EGFR: variants seen among roughly 807,000 people sequenced by gnomAD.
The protein encoded by EGFR is avian erythroblastic leukemia viral (v-erb-b) oncogene homolog.
EGFR carries 58 observed loss-of-function variants against 143.0 expected under a neutral mutation model. The observed-to-expected ratio is 0.41, with a 90% CI of 0.33 to 0.50. The LOEUF (loss-of-function observed/expected upper bound fraction) is 0.50, where lower values mean the gene tolerates loss of function less well. EGFR is among the 20% of genes least tolerant of loss of function. The pLI, the probability that EGFR is intolerant of heterozygous loss-of-function variation, is 0.39. For missense variants in EGFR, 1,307 were observed against 1,579.0 expected (o/e 0.83, Z 2.92); for synonymous variants, 613 against 594.4 (o/e 1.03, Z -0.45).
chr7:55,176,939 C>T (rs184010929), intron 19 of EGFR, among the ~76,000 whole-genome samples: 2 of 144,318 alleles, frequency 1.4e-5, no homozygotes, highest in Admixed American at 1.4e-4. Context: ...ATATATATCT[C>T]TCTCTAAATA....
At chr7:55,019,985 T>C (rs1022099458) in intron 1 of EGFR, among the ~76,000 whole-genome samples, 23 of 152,128 alleles carry the variant, frequency 1.5e-4, no homozygotes, top group African/African-American at 4.3e-4. Flanking sequence ...CCCCGGCCCC[T>C]CTCCAGGTCC....
At chr7:55,103,061 A>G (rs555392586) in intron 1 of EGFR, among the ~76,000 whole-genome samples, 112 of 152,364 alleles carry the variant, frequency 7.4e-4, no homozygotes, top group Non-Finnish European at 1.1e-3. Context: ...GGAGAAAGAT[A>G]TAAGAATAGA....
intron 22 of EGFR, among the ~76,000 whole-genome samples, chr7:55,197,406 T>G (rs1032085922): frequency 6.6e-6 from 1 of 152,242 alleles, no homozygotes; most frequent in African/African-American, 2.4e-5. Context: ...TAAGGGGTTT[T>G]GGGTCAAGAC....
intron 13 of EGFR, among the ~76,000 whole-genome samples, chr7:55,163,125 T>C (rs1213248737): frequency 6.6e-6 from 1 of 152,232 alleles, no homozygotes; most frequent in South Asian, 2.1e-4. Context: ...ACACTCCTTG[T>C]TCGCTGCTGG....
At chr7:55,044,541 T>A (rs1275273160) in intron 1 of EGFR, among the ~76,000 whole-genome samples, 1 of 152,238 alleles carries the variant, frequency 6.6e-6, no homozygotes, top group African/African-American at 2.4e-5. Flanking sequence ...GAAGTCACCA[T>A]GCATTTGTGG....
At chr7:55,176,912 T>G (rs1305876450) in intron 19 of EGFR, among the ~76,000 whole-genome samples, 2 of 147,510 alleles carry the variant, frequency 1.4e-5, no homozygotes, top group African/African-American at 2.5e-5. Flanking sequence ...TCTAAATATA[T>G]ATCTCTCTCT....
At chr7:55,096,839 G>A (rs1562710974) in intron 1 of EGFR, among the ~76,000 whole-genome samples, 1 of 152,174 alleles carries the variant, frequency 6.6e-6, no homozygotes, top group Non-Finnish European at 1.5e-5. Flanking sequence ...GAAGGGCACA[G>A]GGTCCCTCCT....
rs541201884 is a variant in EGFR at position 55,206,916 on chromosome 7, T to C, written c.*1299T>C. 4 of 233,220 alleles carry C rather than the reference T, an allele frequency of 1.7e-5. No homozygotes were observed. The South Asian group carries it at 5.4e-4, about 32-fold the overall frequency. The allele number at this position is 233,220 out of a possible 1,614,324, so 14.4% of individuals were successfully genotyped here. A position where few individuals can be genotyped will look rare whatever the true frequency, so the allele number is the denominator to read the frequency against. The stretch of plus-strand genomic sequence containing the variant: ...TAGTGTGGAATTCAGGTAGTAAATA[T>C]GAAACTAGGGTTTGAAATTGATAAT... On this transcript the variant is annotated 3_prime_UTR_variant, in exon 28 of 28. Coordinates refer to ENST00000275493, the MANE Select transcript of EGFR (RefSeq NM_005228.5).
At chr7:55,200,794 T>A (rs1787813858) in intron 24 of EGFR, 1 of 478,854 alleles carries the variant, frequency 2.1e-6, no homozygotes. Flanking sequence ...GATCCACCTA[T>A]CTCCTTCCAT....
intron 1 of EGFR, among the ~76,000 whole-genome samples, chr7:55,098,202 C>T (rs28634290): frequency 0.06 from 9,099 of 152,136 alleles, 911 homozygotes; most frequent in African/African-American, 0.21. Flanking sequence ...TTGGTAGCTT[C>T]GTTAGAAACT....
At chr7:55,188,172 T>C (rs1463699240) in intron 20 of EGFR, among the ~76,000 whole-genome samples, 1 of 152,184 alleles carries the variant, frequency 6.6e-6, no homozygotes, top group Non-Finnish European at 1.5e-5. Flanking sequence ...AGGAAAGCCC[T>C]CCACTCCACC....
rs756403828 is a variant in EGFR, at chr7:55,192,804, C to G, written c.2664C>G (p.His888Gln). Reference sequence around the variant, plus strand: ...GGATGGCATTGGAATCAATTTTACACAGAATCTATACCCACCAGAGTGATG... The same window carrying G: ...GGATGGCATTGGAATCAATTTTACAGAGAATCTATACCCACCAGAGTGATG... ...IKWMALESIL[H>Q]RIYTHQSDVW... Residue 888 changes from histidine (H) to glutamine (Q), a missense_variant, in exon 22 of 28, where the codon CAC becomes CAG. Coordinates refer to ENST00000275493, the MANE Select transcript of EGFR (RefSeq NM_005228.5). 1 of 1,614,216 alleles carries G rather than the reference C, an allele frequency of 6.2e-7. No individual in the cohort carries two copies. Among genetic ancestry groups the G allele is most frequent in the Non-Finnish European group, 8.5e-7 (1 of 1,180,042 alleles).
At chr7:55,192,094 G>A (rs1787421994) in intron 21 of EGFR, among the ~76,000 whole-genome samples, 1 of 152,148 alleles carries the variant, frequency 6.6e-6, no homozygotes, top group Non-Finnish European at 1.5e-5. Context: ...CAGTGAATGA[G>A]GATGTTATCC....
intron 20 of EGFR, among the ~76,000 whole-genome samples, chr7:55,187,763 G>GC (rs993325029): frequency 2.0e-5 from 3 of 151,336 alleles, no homozygotes; most frequent in Non-Finnish European, 2.9e-5. Flanking sequence ...TAGTTTCAGA[G>GC]CCCCCCTGAA....
chr7:55,166,688 G>GTAGTGATGA (rs1786011953), intron 15 of EGFR, among the ~76,000 whole-genome samples: 1 of 100,340 alleles, frequency 1.0e-5, no homozygotes, highest in Non-Finnish European at 2.4e-5. Context: ...CACAATGGTG[G>GTAGTGATGA]TGGTGATGGT....
chr7:55,156,747 T>C lies in EGFR; in HGVS notation c.1134-12T>C, dbSNP rs1311356603. ...GATTGGTGATCAATAATCACCCTGT[T>C]GTTTGTTTCAGTGACTCCTTCACAC... On this transcript the variant is annotated splice_polypyrimidine_tract_variant and intron_variant, in intron 9 of 27. Transcript: ENST00000275493. The C allele has an allele frequency of 6.2e-7, 1 of 1,614,206 alleles. No individual in the cohort carries two copies. Among genetic ancestry groups the C allele is most frequent in the Admixed American group, 1.7e-5 (1 of 60,028 alleles).
chr7:55,029,500 A>C (rs945843443), intron 1 of EGFR, among the ~76,000 whole-genome samples: 1 of 152,188 alleles, frequency 6.6e-6, no homozygotes, highest in Non-Finnish European at 1.5e-5. Flanking sequence ...CAGAGAAAGA[A>C]AAATTTTTAT....
At chr7:55,166,398 G>A (rs1785983161) in intron 15 of EGFR, 4 of 538,088 alleles carry the variant, frequency 7.4e-6, no homozygotes, top group African/African-American at 1.8e-5. Context: ...TGTGCCCTTG[G>A]GCAAGGGTCT....
At chr7:55,148,530 A>T (rs897924825) in intron 4 of EGFR, among the ~76,000 whole-genome samples, 5 of 152,268 alleles carry the variant, frequency 3.3e-5, no homozygotes, top group African/African-American at 4.8e-5. Context: ...AAGCCTAGCA[A>T]AATCAAAAGT....
Sources: gnomAD v4.1 joint callset for allele counts (sites outside exome capture counted in the v4.1 genomes callset) on GRCh38, gnomAD v4.1.1 for gene constraint, MANE v1.5 for transcripts, NCBI Gene and HGNC (gene_info 2026-07-23, HGNC 2026-07-21) for gene names.